The following FER variants were observed in gnomAD, a reference collection of about 807,000 sequenced individuals.
FER encodes the protein tyrosine-protein kinase Fer.
Under a neutral mutation model 111.0 loss-of-function variants are expected in FER, and 63 were observed. The ratio of observed to expected loss-of-function variants is 0.57; its 90% CI spans 0.46 to 0.70. The LOEUF is 0.70. Among genes scored for constraint, FER ranks in the 30% least tolerant of loss-of-function variants. FER has a pLI of 0.00. For synonymous variants in FER, 327 were observed against 313.9 expected (o/e 1.04, Z -0.44); for missense variants, 914 against 954.0 (o/e 0.96, Z 0.55).
intron 16 of FER, among the ~76,000 whole-genome samples, chr5:109,071,010 A>G (rs1248570454): frequency 1.3e-5 from 2 of 152,138 alleles, no homozygotes; most frequent in African/African-American, 4.8e-5. Context: ...CATGAATTCT[A>G]TATTGTATTT....
intron 3 of FER, among the ~76,000 whole-genome samples, chr5:108,818,864 C>T (rs897413055): frequency 1.3e-5 from 2 of 152,160 alleles, no homozygotes; most frequent in African/African-American, 4.8e-5. Context: ...TAGATGTGCT[C>T]ATACTACAAA....
intron 17 of FER, among the ~76,000 whole-genome samples, chr5:109,102,934 T>C (rs1748432731): frequency 6.6e-6 from 1 of 152,126 alleles, no homozygotes; most frequent in Admixed American, 6.6e-5. Flanking sequence ...TCTTTGGAAA[T>C]AGTAGTTGCA....
At chr5:108,942,784 C>G (rs1756449237) in intron 10 of FER, among the ~76,000 whole-genome samples, 1 of 152,110 alleles carries the variant, frequency 6.6e-6, no homozygotes, top group Non-Finnish European at 1.5e-5. Context: ...AGGTAGTCTT[C>G]TCTGGGGTTA....
intron 13 of FER, among the ~76,000 whole-genome samples, chr5:109,020,291 T>C (rs1488809825): frequency 2.6e-5 from 4 of 151,904 alleles, no homozygotes; most frequent in African/African-American, 4.8e-5. Context: ...AATTACACTT[T>C]TAAAAAATCA....
intron 13 of FER, among the ~76,000 whole-genome samples, chr5:109,035,640 G>A (rs1298700421): frequency 1.3e-5 from 2 of 151,974 alleles, no homozygotes; most frequent in Admixed American, 1.3e-4. Context: ...ATTTATCTTT[G>A]GTTAATTCCT....
chr5:109,185,526 C>G (rs902413141), intron 18 of FER, among the ~76,000 whole-genome samples: 1 of 151,982 alleles, frequency 6.6e-6, no homozygotes, highest in African/African-American at 2.4e-5. Context: ...TGGTTAATCT[C>G]CTAGGATTGA....
intron 17 of FER, among the ~76,000 whole-genome samples, chr5:109,125,259 G>A (rs1264008589): frequency 2.6e-5 from 4 of 151,710 alleles, no homozygotes; most frequent in East Asian, 1.9e-4. Flanking sequence ...CAACATTTTT[G>A]TGAAGTATTA....
intron 14 of FER, among the ~76,000 whole-genome samples, chr5:109,044,235 G>A (rs1356654647): frequency 4.0e-5 from 6 of 150,568 alleles, no homozygotes; most frequent in African/African-American, 1.2e-4. Context: ...CTGGAGTGCA[G>A]TGGCGCAATC....
At chr5:108,821,230 C>T (rs1452869233) in intron 3 of FER, among the ~76,000 whole-genome samples, 1 of 152,166 alleles carries the variant, frequency 6.6e-6, no homozygotes, top group African/African-American at 2.4e-5. Flanking sequence ...GATTCACCTT[C>T]CTCTGATTTA....
At chr5:108,940,974 G>A (rs896285079) in intron 10 of FER, among the ~76,000 whole-genome samples, 3 of 152,058 alleles carry the variant, frequency 2.0e-5, no homozygotes, top group African/African-American at 7.2e-5. Flanking sequence ...ACTAGGCTGG[G>A]GAATGGGTAT....
Position 108,840,007 on chromosome 5 carries a change from T to C in FER, c.481+4200T>C, listed in dbSNP as rs186683324. 1.5e-3 allele frequency among the ~76,000 whole-genome samples: 224 copies of C among 152,132 alleles called. 1 individual carries two copies. Among genetic ancestry groups the C allele is most frequent in the Non-Finnish European group, 2.5e-3 (172 of 67,992 alleles). On this transcript the variant is annotated intron_variant, in intron 5 of 19. Transcript: ENST00000281092. ...CCTCTCATTTTATTTTTTCCAACCT[T>C]TAAAAAAAAATTAAAACAAACGTAG... is the stretch of plus-strand genomic sequence containing the variant.
chr5:108,825,368 G>T (rs1031626693), intron 3 of FER, among the ~76,000 whole-genome samples: 4 of 152,318 alleles, frequency 2.6e-5, no homozygotes, highest in Non-Finnish European at 5.9e-5. Flanking sequence ...GACGTTCCAT[G>T]CTGAAAGAAA....
intron 13 of FER, among the ~76,000 whole-genome samples, chr5:109,024,262 C>G (rs985632973): frequency 2.0e-5 from 3 of 152,150 alleles, no homozygotes; most frequent in African/African-American, 7.2e-5. Flanking sequence ...TGGAATAGTA[C>G]ATAATACTCC....
At chr5:109,132,729 G>T (rs551001425) in intron 17 of FER, among the ~76,000 whole-genome samples, 1 of 152,244 alleles carries the variant, frequency 6.6e-6, no homozygotes, top group African/African-American at 2.4e-5. Context: ...AGGATGGGTG[G>T]TATACTGACT....
Position 109,133,808 on chromosome 5 carries a change from C to T in FER, c.2048+33289C>T, listed in dbSNP as rs553309412. On this transcript the variant is annotated intron_variant, in intron 17 of 19. Coordinates refer to ENST00000281092, the MANE Select transcript of FER (RefSeq NM_005246.4). ...GCCATTTCCAGCATTCTTTTAAAGC[C>T]TATAAACAAAATTTGGTGTAAAAGA... Among the ~76,000 whole-genome samples the T allele has an allele frequency of 3.3e-5, 5 of 152,134 alleles. No individual in the cohort carries two copies. In the East Asian group the frequency reaches 9.7e-4, roughly 29 times the overall value.
chr5:108,854,769 C>T (rs992618137), intron 5 of FER, among the ~76,000 whole-genome samples: 20 of 151,744 alleles, frequency 1.3e-4, no homozygotes, highest in African/African-American at 4.8e-4. Flanking sequence ...ATGGTGAAAC[C>T]GTGTCTCTAC....
intron 16 of FER, 136 bp downstream of exon 16, chr5:109,047,334 C>G (rs535959314): frequency 1.8e-6 from 1 of 570,168 alleles, no homozygotes; most frequent in East Asian, 3.1e-5. Flanking sequence ...ACAAAAGAGT[C>G]TGTACCTATA....
chr5:108,932,402 T>G (rs1754816317), intron 10 of FER, among the ~76,000 whole-genome samples: 2 of 152,236 alleles, frequency 1.3e-5, no homozygotes, highest in South Asian at 4.1e-4. Context: ...GTGCCACATT[T>G]TCTTTATCCA....
chr5:108,974,025 G>A (rs1043413334), intron 13 of FER, among the ~76,000 whole-genome samples: 1 of 152,112 alleles, frequency 6.6e-6, no homozygotes, highest in African/African-American at 2.4e-5. Flanking sequence ...ATGTTCATCT[G>A]AAATAAATAG....
Sources: allele counts gnomAD v4.1 joint callset (sites outside exome capture counted in the v4.1 genomes callset), GRCh38; gene constraint gnomAD v4.1.1; transcripts MANE v1.5; gene names NCBI Gene and HGNC (gene_info 2026-07-23, HGNC 2026-07-21).